Variants in PTPRQ observed in about 807,000 individuals in gnomAD.
PTPRQ encodes the protein phosphatidylinositol phosphatase PTPRQ.
A neutral mutation model predicts 246.0 loss-of-function variants in PTPRQ; 199 were observed. The ratio of observed to expected loss-of-function variants is 0.81; its 90% CI spans 0.72 to 0.91. The LOEUF is 0.91. Ranked by LOEUF, PTPRQ falls within the 40% of genes least tolerant of loss-of-function variation. The pLI is 0.00. For missense variants in PTPRQ, 2,624 were observed against 2,528.4 expected (o/e 1.04, Z -0.81); for synonymous variants, 869 against 853.2 (o/e 1.02, Z -0.32).
intron 25 of PTPRQ, among the ~76,000 whole-genome samples, chr12:80,551,862 C>T (rs1896484383): frequency 6.6e-6 from 1 of 151,780 alleles, no homozygotes; most frequent in African/African-American, 2.4e-5. Context: ...CTAGTATGAA[C>T]TAATAATTGA....
intron 26 of PTPRQ, among the ~76,000 whole-genome samples, chr12:80,604,367 A>C (rs1380297037): frequency 6.6e-6 from 1 of 151,558 alleles, no homozygotes; most frequent in African/African-American, 2.4e-5. Context: ...GAAATTGTAC[A>C]CATAAGGATT....
intron 38 of PTPRQ, among the ~76,000 whole-genome samples, chr12:80,655,233 T>C (rs908815015): frequency 6.6e-6 from 1 of 152,198 alleles, no homozygotes. Context: ...CTGGGTTACA[T>C]ATCTGTTTAC....
chr12:80,656,750 A>G (rs1900451497), intron 38 of PTPRQ, among the ~76,000 whole-genome samples: 1 of 151,990 alleles, frequency 6.6e-6, no homozygotes, highest in Non-Finnish European at 1.5e-5. Context: ...AAATAGACCT[A>G]ACTACCTAGA....
At chr12:80,662,688 CAG>C (rs1320375811) in intron 39 of PTPRQ, among the ~76,000 whole-genome samples, 1 of 151,782 alleles carries the variant, frequency 6.6e-6, no homozygotes, top group Non-Finnish European at 1.5e-5. Context: ...GCTGATAATC[CAG>C]AGGAAAATCT....
chr12:80,636,643 T>C (rs915746929), intron 35 of PTPRQ, among the ~76,000 whole-genome samples: 1 of 152,204 alleles, frequency 6.6e-6, no homozygotes, highest in Non-Finnish European at 1.5e-5. Context: ...AACAATATAG[T>C]TGAATCTGTT....
In PTPRQ at chr12:80,496,324, C is replaced by G; in HGVS notation, c.2065C>G (p.Pro689Ala). ...ADEIRLKWSP[P>A]EKPNGIIIAY... Reference sequence around the variant, plus strand: ...TGAAATAAGGTTGAAGTGGTCACCACCCGAAAAGCCCAATGGGATCATTAT... The same window carrying G: ...TGAAATAAGGTTGAAGTGGTCACCAGCCGAAAAGCCCAATGGGATCATTAT... The change falls in exon 14 of 45, where the codon CCC (proline) becomes GCC (alanine). Residue 689 changes from proline (P) to alanine (A), a missense_variant. By Grantham distance (27) the Pro-to-Ala change is conservative. Transcript: ENST00000644991. 2 of 1,550,658 alleles carry G rather than the reference C, an allele frequency of 1.3e-6. No individual in the cohort carries two copies. The highest frequency in any genetic ancestry group is 1.7e-6 in the Non-Finnish European group (2 of 1,146,450).
chr12:80,669,315 A>G (rs1900891198), intron 40 of PTPRQ, 24 bp from the exon 41 acceptor site: 1 of 1,547,384 alleles, frequency 6.5e-7, no homozygotes, highest in Non-Finnish European at 8.7e-7. Flanking sequence ...GACGCTTATG[A>G]CTGATGATTT....
chr12:80,568,993 A>C (rs1897059515), intron 25 of PTPRQ, among the ~76,000 whole-genome samples: 1 of 152,164 alleles, frequency 6.6e-6, no homozygotes, highest in Non-Finnish European at 1.5e-5. Context: ...AAATTCAAGC[A>C]CATTGGAATG....
intron 25 of PTPRQ, among the ~76,000 whole-genome samples, chr12:80,584,631 A>G (rs893647469): frequency 1.3e-5 from 2 of 152,170 alleles, no homozygotes; most frequent in African/African-American, 2.4e-5. Context: ...ACAAGCTGCA[A>G]TTAAACTTGT....
intron 26 of PTPRQ, among the ~76,000 whole-genome samples, chr12:80,590,892 C>A (rs1310186071): frequency 6.6e-6 from 1 of 151,840 alleles, no homozygotes; most frequent in African/African-American, 2.4e-5. Context: ...TCTTTGTATT[C>A]CCTGTTTCTT....
chr12:80,486,527 T>C (rs965582308), intron 9 of PTPRQ, among the ~76,000 whole-genome samples: 1 of 152,186 alleles, frequency 6.6e-6, no homozygotes, highest in Admixed American at 6.5e-5. Flanking sequence ...TCTATGACCT[T>C]AGAAAAATCA....
chr12:80,625,785 T>C (rs930688195), intron 33 of PTPRQ, among the ~76,000 whole-genome samples: 2 of 152,150 alleles, frequency 1.3e-5, no homozygotes, highest in Admixed American at 6.5e-5. Flanking sequence ...TGAAACTTAT[T>C]TGATTTCGTT....
intron 3 of PTPRQ, among the ~76,000 whole-genome samples, chr12:80,455,767 A>AT (rs1248387841): frequency 8.1e-6 from 1 of 123,604 alleles, no homozygotes; most frequent in Non-Finnish European, 1.6e-5. Flanking sequence ...ATTTTTTCGT[A>AT]TTTTATTTTT....
Position 80,588,459 on chromosome 12 carries a change from A to G in PTPRQ, c.4609+7A>G, listed in dbSNP as rs997256663. On this transcript the variant is annotated splice_region_variant and intron_variant, in intron 26 of 44. Coordinates refer to ENST00000644991, the MANE Select transcript of PTPRQ (RefSeq NM_001145026.2). ...ACAAAAACTCTGCCTGGCCGTGAGT[A>G]TTGTCCTGACATGTACATACTGATT... is the stretch of plus-strand genomic sequence containing the variant. 1 of 1,474,196 alleles carries G rather than the reference A, an allele frequency of 6.8e-7. No individual in the cohort carries two copies. The allele number at this position is 1,474,196 out of a possible 1,614,324, so 91.3% of individuals were successfully genotyped here.
intron 4 of PTPRQ, among the ~76,000 whole-genome samples, chr12:80,458,428 T>C (rs1308790286): frequency 1.3e-5 from 2 of 152,194 alleles, no homozygotes; most frequent in African/African-American, 4.8e-5. Flanking sequence ...CTTTCTTATG[T>C]AATTTATGTG....
At chr12:80,493,572 G>T in intron 10 of PTPRQ, 117 bp downstream of exon 10, 2 of 1,357,770 alleles carry the variant, frequency 1.5e-6, no homozygotes, top group African/African-American at 1.5e-5. Flanking sequence ...GGCTGGAGTC[G>T]GATTTTTTTT....
Position 80,670,478 on chromosome 12 carries a change from G to T in PTPRQ, c.6588G>T (p.Met2196Ile), listed in dbSNP as rs1438377197. 6.5e-7 allele frequency: 1 copy of T among 1,548,850 alleles called. No homozygotes were observed. Among genetic ancestry groups the T allele is most frequent in the South Asian group, 1.2e-5 (1 of 83,394 alleles). Residue 2196 changes from methionine to isoleucine, a missense_variant, in exon 42 of 45, where the codon ATG becomes ATT. Physicochemically the swap from Met to Ile is conservative, Grantham distance 10 (BLOSUM62 1). Transcript: ENST00000644991. ...RASRAHDTTP[M>I]IVHCSAGVGR... ...GCAGGGCACATGACACCACACCTAT[G>T]ATTGTTCACTGCAGGTGAGAAAGTG... is the stretch of plus-strand genomic sequence containing the variant.
rs957953691 is a variant in PTPRQ, at chr12:80,673,770, C to T, written c.6738+466C>T. Among the ~76,000 whole-genome samples, 15 of 152,032 alleles carry T rather than the reference C, an allele frequency of 9.9e-5. No homozygotes were observed. In the South Asian group the frequency reaches 1.7e-3, roughly 17 times the overall value. The stretch of plus-strand genomic sequence containing the variant: ...AGTACTAATAATGATTATTGTAGCA[C>T]GCTATCAACTATTAACTGTGAGGTT... On this transcript the variant is annotated intron_variant, in intron 43 of 44. Transcript: ENST00000644991.
intron 25 of PTPRQ, among the ~76,000 whole-genome samples, chr12:80,550,671 T>C (rs1896447275): frequency 6.6e-6 from 1 of 152,112 alleles, no homozygotes; most frequent in East Asian, 1.9e-4. Context: ...CATTATTTGT[T>C]TTTTCCAAGA....
Sources: gnomAD v4.1 joint callset for allele counts (sites outside exome capture counted in the v4.1 genomes callset) on GRCh38, gnomAD v4.1.1 for gene constraint, MANE v1.5 for transcripts, NCBI Gene and HGNC (gene_info 2026-07-23, HGNC 2026-07-21) for gene names.